Variants in RNF19B observed in about 807,000 individuals in gnomAD.
RNF19B encodes E3 ubiquitin-protein ligase RNF19B.
A neutral mutation model predicts 65.5 loss-of-function variants in RNF19B; 23 were observed. The observed-to-expected ratio is 0.35, with a 90% CI of 0.25 to 0.50. The LOEUF is 0.50. RNF19B is among the 20% of genes least tolerant of loss of function. The pLI is 0.98. For missense variants in RNF19B, 794 were observed against 980.0 expected (o/e 0.81, Z 2.53); for synonymous variants, 372 against 379.6 (o/e 0.98, Z 0.23).
intron 1 of RNF19B, among the ~76,000 whole-genome samples, chr1:32,961,447 T>C (rs898546424): frequency 6.6e-5 from 10 of 152,216 alleles, no homozygotes; most frequent in African/African-American, 1.2e-4. Context: ...TTACTAGTTA[T>C]ATGACCCTGA....
At chr1:32,943,709 G>C (rs1215933859) in intron 6 of RNF19B, among the ~76,000 whole-genome samples, 1 of 152,090 alleles carries the variant, frequency 6.6e-6, no homozygotes, top group Non-Finnish European at 1.5e-5. Context: ...AGATAATTGT[G>C]TAAAATACTC....
rs1348742561 is a variant in RNF19B at position 32,964,510 on chromosome 1, G to A, written c.176C>T (p.Pro59Leu). Reference sequence around the variant, plus strand: ...CGGGGCGGGCGGCGGCTGCGCAGCCGGGGGCGGCGGCTCGGCCTGCGGCTT... The same window carrying A: ...CGGGGCGGGCGGCGGCTGCGCAGCCAGGGGCGGCGGCTCGGCCTGCGGCTT... ...RAKPQAEPPP[P>L]AAQPPPAPAP... The change falls in exon 1 of 9, where the codon CCG (proline) becomes CTG (leucine). Residue 59 changes from proline (P) to leucine (L), a missense_variant. Pro to Leu is a moderately conservative substitution (Grantham distance 98). This residue lies in a region of RNF19B where 374 missense variants were observed against 423.8 expected (regional missense o/e 0.88). Transcript: ENST00000235150. This position sits in a 1 kb window ranked among gnomAD's most constrained non-coding sequence, Gnocchi z 6.5. 7.2e-6 allele frequency: 7 copies of A among 965,854 alleles called. No homozygotes were observed. The East Asian group carries it at 7.4e-4, about 103-fold the overall frequency. 59.8% of individuals were successfully genotyped at this position (965,854 alleles called of 1,614,324 possible).
At chr1:32,938,621 CA>C in intron 7 of RNF19B, 93 bp from the exon 8 acceptor site, 1 of 1,324,824 alleles carries the variant, frequency 7.5e-7, no homozygotes, top group Non-Finnish European at 1.1e-6. Context: ...TACTCTCTTG[CA>C]AATTGTGGTT....
At chr1:32,937,458 C>G in intron 8 of RNF19B, 199 bp from the exon 9 acceptor site, 1 of 849,444 alleles carries the variant, frequency 1.2e-6, no homozygotes, top group Middle Eastern at 3.5e-4. Flanking sequence ...ATGCCTATAA[C>G]CCCAGCGCTT....
At chr1:32,933,259 T>A (rs1642049455), downstream of RNF19B, among the ~76,000 whole-genome samples, 1 of 108,564 alleles carries the variant, frequency 9.2e-6, no homozygotes, top group Admixed American at 1.1e-4. Context: ...TTATTATTAT[T>A]TTTTTTTTTT....
At chr1:32,952,791 C>T (rs187267417) in intron 1 of RNF19B, among the ~76,000 whole-genome samples, 20 of 149,174 alleles carry the variant, frequency 1.3e-4, no homozygotes, top group Admixed American at 1.1e-3. Context: ...CACAGGCCTG[C>T]AGTCACAGCT....
At chr1:32,963,921 G>A (rs1642834263) in intron 1 of RNF19B, 130 bp downstream of exon 1, 2 of 1,335,974 alleles carry the variant, frequency 1.5e-6, no homozygotes, top group Admixed American at 4.0e-5. Flanking sequence ...TTGCCTGATG[G>A]TTACCACCCC....
chr1:32,948,962 G>T (rs1642428388), intron 2 of RNF19B, among the ~76,000 whole-genome samples: 1 of 152,168 alleles, frequency 6.6e-6, no homozygotes, highest in Non-Finnish European at 1.5e-5. Context: ...ATTATGCTGT[G>T]CCAGGAAAAA....
chr1:32,960,598 T>G (rs1265491038), intron 1 of RNF19B, among the ~76,000 whole-genome samples: 1 of 152,166 alleles, frequency 6.6e-6, no homozygotes, highest in Non-Finnish European at 1.5e-5. Flanking sequence ...ATCATGCCAC[T>G]GCACTCCAGC....
chr1:32,954,344 G>C (rs749359235), intron 1 of RNF19B, among the ~76,000 whole-genome samples: 2 of 151,634 alleles, frequency 1.3e-5, no homozygotes, highest in Non-Finnish European at 2.9e-5. Flanking sequence ...CTATTACTAC[G>C]ACACAGAATT....
intron 2 of RNF19B, among the ~76,000 whole-genome samples, chr1:32,948,948 G>C (rs992836135): frequency 2.0e-5 from 3 of 152,114 alleles, no homozygotes; most frequent in African/African-American, 7.2e-5. Context: ...TGACAATTTA[G>C]GAAATTATGC....
chr1:32,946,321 T>G (rs947569625), intron 4 of RNF19B, 81 bp downstream of exon 4: 2 of 1,244,614 alleles, frequency 1.6e-6, no homozygotes, highest in Non-Finnish European at 2.3e-6. Context: ...CTCTGAAACA[T>G]AGCTCCTTCC....
chr1:32,935,096 C>T (rs1642075695), downstream of RNF19B, among the ~76,000 whole-genome samples: 3 of 151,868 alleles, frequency 2.0e-5, no homozygotes, highest in Admixed American at 1.3e-4. Flanking sequence ...TCCCAAAGTG[C>T]TGGGATTGCA....
chr1:32,946,593 T>A, intron 3 of RNF19B, 29 bp from the exon 4 acceptor site: 1 of 1,603,506 alleles, frequency 6.2e-7, no homozygotes, highest in Non-Finnish European at 8.5e-7. Context: ...GAAGTTAATG[T>A]CAACATTACA....
chr1:32,945,654 G>T, intron 4 of RNF19B, 26 bp from the exon 5 acceptor site: 1 of 1,416,162 alleles, frequency 7.1e-7, no homozygotes, highest in Non-Finnish European at 1.0e-6. Context: ...GAAAATCCAG[G>T]TCAGCAGGTT....
At chr1:32,941,438 G>T (rs998091520) in intron 7 of RNF19B, among the ~76,000 whole-genome samples, 1 of 152,106 alleles carries the variant, frequency 6.6e-6, no homozygotes, top group Non-Finnish European at 1.5e-5. Flanking sequence ...CTCTTGGGAG[G>T]CTGAGGCAGG....
Position 32,964,589 on chromosome 1 carries a change from G to T in RNF19B, c.97C>A (p.Leu33Ile). The T allele has an allele frequency of 6.9e-7, 1 of 1,445,578 alleles. No homozygotes were observed. Among genetic ancestry groups the T allele is most frequent in the Non-Finnish European group, 9.1e-7 (1 of 1,101,842 alleles). The allele number at this position is 1,445,578 out of a possible 1,614,324, so 89.5% of individuals were successfully genotyped here. A position where few individuals can be genotyped will look rare whatever the true frequency, so the allele number is the denominator to read the frequency against. Residue 33 changes from leucine (L) to isoleucine (I), a missense_variant, in exon 1 of 9, where the codon CTC (leucine) becomes ATC (isoleucine). Coordinates refer to ENST00000235150, the MANE Select transcript of RNF19B (RefSeq NM_001300826.2). The surrounding 1 kb of genome is among the most constrained non-coding windows in gnomAD (Gnocchi z 6.5). ...GCAGAGAAGACGCTGTGCAAGGTGA[G>T]GCGCCGGCGCCGGCCGCCGCTGCGG... ...KCRSGGRRRR[L>I]TLHSVFSASA...
chr1:32,938,573 T>C (rs771111232), intron 7 of RNF19B, 45 bp from the exon 8 acceptor site: 1 of 1,587,934 alleles, frequency 6.3e-7, no homozygotes. Flanking sequence ...ACCTGGGTAT[T>C]CCAAGACAGT....
rs1438949338 is a variant in RNF19B at position 32,964,595 on chromosome 1, G to C, written c.91C>G (p.Arg31Gly). ...AAGACGCTGTGCAAGGTGAGGCGCC[G>C]GCGCCGGCCGCCGCTGCGGCACTTA... ...DPKCRSGGRR[R>G]RLTLHSVFSA... The change falls in exon 1 of 9, where the codon CGG becomes GGG. Residue 31 changes from arginine (R) to glycine (G), a missense_variant. Arg to Gly is a moderately radical substitution (Grantham distance 125). Coordinates refer to ENST00000235150, the MANE Select transcript of RNF19B (RefSeq NM_001300826.2). This position sits in a 1 kb window ranked among gnomAD's most constrained non-coding sequence, Gnocchi z 6.5. 1.1e-5 allele frequency: 16 copies of C among 1,450,192 alleles called. No individual in the cohort carries two copies. The highest frequency in any genetic ancestry group is 1.4e-5 in the Non-Finnish European group (16 of 1,104,222). The allele number at this position is 1,450,192 out of a possible 1,614,324, so 89.8% of individuals were successfully genotyped here.
Sources: allele counts gnomAD v4.1 joint callset (sites outside exome capture counted in the v4.1 genomes callset), GRCh38; gene constraint gnomAD v4.1.1; regional missense constraint gnomAD v4.1.1; non-coding constraint Gnocchi (gnomAD v3.1); transcripts MANE v1.5; gene names NCBI Gene and HGNC (gene_info 2026-07-23, HGNC 2026-07-21).